NR2C2: variants seen among roughly 807,000 people sequenced by gnomAD.
The protein encoded by NR2C2 is Nuclear hormone receptor TR4.
Under a neutral mutation model 62.9 loss-of-function variants are expected in NR2C2, and 6 were observed. The ratio of observed to expected loss-of-function variants is 0.10; its 90% CI spans 0.05 to 0.19. The LOEUF is 0.19. Ranked by LOEUF, NR2C2 falls within the 10% of genes least tolerant of loss-of-function variation. NR2C2 has a pLI of 1.00. For synonymous variants in NR2C2, 272 were observed against 273.8 expected (o/e 0.99, Z 0.07); for missense variants, 479 against 762.7 (o/e 0.63, Z 4.38).
At chr3:14,984,684 C>G (rs1372148725) in intron 1 of NR2C2, among the ~76,000 whole-genome samples, 3 of 152,192 alleles carry the variant, frequency 2.0e-5, no homozygotes, top group Non-Finnish European at 4.4e-5. Context: ...TTAATCCATT[C>G]ACCTGTTGAT....
intron 1 of NR2C2, among the ~76,000 whole-genome samples, chr3:14,967,826 T>G (rs936538172): frequency 7.9e-5 from 12 of 152,212 alleles, no homozygotes; most frequent in Admixed American, 7.2e-4. Flanking sequence ...CCCTCAGAAA[T>G]AATGCCGCAT....
At chr3:15,008,124 C>G (rs1268659416) in intron 2 of NR2C2, among the ~76,000 whole-genome samples, 3 of 152,158 alleles carry the variant, frequency 2.0e-5, no homozygotes, top group Non-Finnish European at 4.4e-5. Context: ...CCAGGATGAC[C>G]TGAGCTTCCA....
rs62240395 is a variant in NR2C2, at chr3:15,042,707, G to T, written c.1617-127G>T. ...GGAACTGTTGAAATCAGAAAAGAGA[G>T]GTGGGTGGATGGTGGATCCGTTTGG... On this transcript the variant is annotated intron_variant, in intron 13 of 13. Coordinates refer to ENST00000425241, the MANE Select transcript of NR2C2 (RefSeq NM_001291694.2). The T allele has an allele frequency of 2.4e-4, 180 of 749,162 alleles. No homozygotes were observed. In the African/African-American group the frequency reaches 2.9e-3, roughly 12 times the overall value. The allele number at this position is 749,162 out of a possible 1,614,324, so 46.4% of individuals were successfully genotyped here.
intron 1 of NR2C2, among the ~76,000 whole-genome samples, chr3:14,954,325 C>T (rs1003626118): frequency 5.3e-5 from 8 of 151,548 alleles, no homozygotes; most frequent in African/African-American, 1.5e-4. Context: ...TGTACTTTCT[C>T]GAGAATAAAA....
At chr3:14,996,955 G>T (rs993700740) in intron 1 of NR2C2, among the ~76,000 whole-genome samples, 1 of 152,168 alleles carries the variant, frequency 6.6e-6, no homozygotes, top group Non-Finnish European at 1.5e-5. Context: ...TAATGTTGAT[G>T]GCTTTAAAAC....
At chr3:14,963,758 T>C (rs749879346) in intron 1 of NR2C2, among the ~76,000 whole-genome samples, 2 of 152,112 alleles carry the variant, frequency 1.3e-5, no homozygotes, top group African/African-American at 4.8e-5. Context: ...AATGCTCATA[T>C]ATCTAGGGCA....
At chr3:15,024,027 C>A in intron 6 of NR2C2, 88 bp from the exon 7 acceptor site, 1 of 948,118 alleles carries the variant, frequency 1.1e-6, no homozygotes, top group Non-Finnish European at 1.7e-6. Flanking sequence ...GACAGCTTCA[C>A]AAATGTGGAA....
chr3:15,001,596 A>G (rs1276069684), intron 1 of NR2C2, among the ~76,000 whole-genome samples: 2 of 151,898 alleles, frequency 1.3e-5, no homozygotes, highest in African/African-American at 4.8e-5. Context: ...TGGCCTCCCA[A>G]AGTGCTGGGA....
chr3:14,986,530 T>C (rs1172827841), intron 1 of NR2C2, among the ~76,000 whole-genome samples: 2 of 152,184 alleles, frequency 1.3e-5, no homozygotes, highest in South Asian at 4.1e-4. Context: ...CCATACCTTA[T>C]GTGGAAGTGT....
In NR2C2 at chr3:15,045,692, T is replaced by TTA. The variant is rs2042425787; in HGVS notation, c.*2685_*2686dup. 1 of 152,680 alleles carries TTA rather than the reference T, an allele frequency of 6.5e-6. No homozygotes were observed. 9.5% of individuals were successfully genotyped at this position (152,680 alleles called of 1,614,324 possible). ...AAGTCAGCCCAAAGTCAAGAATTACTTAAAGAGATGCAAACCAAATATTTG... is the reference window on the plus strand; with the variant it reads ...AAGTCAGCCCAAAGTCAAGAATTACTTATAAAGAGATGCAAACCAAATATTTG... On this transcript the variant is annotated 3_prime_UTR_variant, in exon 14 of 14. Transcript: ENST00000425241.
intron 1 of NR2C2, among the ~76,000 whole-genome samples, chr3:14,968,267 A>G (rs2039922455): frequency 6.6e-6 from 1 of 152,244 alleles, no homozygotes; most frequent in African/African-American, 2.4e-5. Context: ...TCCAGAATCT[A>G]CAATGAACTC....
chr3:15,026,386 TG>T (rs2041823164), intron 7 of NR2C2: 1 of 152,238 alleles, frequency 6.6e-6, no homozygotes, highest in African/African-American at 2.4e-5. Flanking sequence ...TATAATGTAG[TG>T]GTTTTTGGTA....
At chr3:15,037,379 A>C (rs772739919) in intron 11 of NR2C2, among the ~76,000 whole-genome samples, 29 of 152,128 alleles carry the variant, frequency 1.9e-4, no homozygotes, top group Non-Finnish European at 3.2e-4. Flanking sequence ...GGCCAGTTTT[A>C]TTTTTAACTG....
chr3:14,986,276 C>T (rs1268285932), intron 1 of NR2C2, among the ~76,000 whole-genome samples: 1 of 151,964 alleles, frequency 6.6e-6, no homozygotes, highest in Admixed American at 6.6e-5. Flanking sequence ...CATGTAAATG[C>T]TTAGGAATAA....
At chr3:15,001,138 T>A (rs895698254) in intron 1 of NR2C2, among the ~76,000 whole-genome samples, 2 of 151,932 alleles carry the variant, frequency 1.3e-5, no homozygotes, top group Non-Finnish European at 2.9e-5. Flanking sequence ...AAATTTCTCA[T>A]AGCAATATCT....
intron 1 of NR2C2, among the ~76,000 whole-genome samples, chr3:14,999,909 T>G (rs2040941106): frequency 6.6e-6 from 1 of 152,210 alleles, no homozygotes; most frequent in African/African-American, 2.4e-5. Context: ...CAAATTGAGT[T>G]TATATTGCAT....
intron 13 of NR2C2, among the ~76,000 whole-genome samples, chr3:15,040,576 C>A (rs761808068): frequency 6.6e-6 from 1 of 152,228 alleles, no homozygotes; most frequent in Non-Finnish European, 1.5e-5. Flanking sequence ...CTTAGTCTTT[C>A]AGCACTAAAA....
chr3:14,954,911 A>G (rs930486637), intron 1 of NR2C2, among the ~76,000 whole-genome samples: 2 of 152,106 alleles, frequency 1.3e-5, no homozygotes, highest in African/African-American at 2.4e-5. Context: ...GTTCACTGCA[A>G]TCTCCGCCTC....
chr3:14,951,927 T>C (rs1447571542), intron 1 of NR2C2, among the ~76,000 whole-genome samples: 1 of 152,170 alleles, frequency 6.6e-6, no homozygotes, highest in Admixed American at 6.5e-5. Context: ...TTTGGATTTT[T>C]AGTAGAGACG....
Sources: allele counts gnomAD v4.1 joint callset (sites outside exome capture counted in the v4.1 genomes callset), GRCh38; gene constraint gnomAD v4.1.1; transcripts MANE v1.5; gene names NCBI Gene and HGNC (gene_info 2026-07-23, HGNC 2026-07-21).